Variants in ZBTB20 observed in about 807,000 individuals in gnomAD.
ZBTB20 encodes the protein zinc finger and BTB domain containing 20, also known as zinc finger and BTB domain-containing protein 20.
ZBTB20 carries 9 observed loss-of-function variants against 56.9 expected under a neutral mutation model. The observed-to-expected ratio is 0.16, with a 90% confidence interval of 0.10 to 0.28. The LOEUF is 0.28. Among genes scored for constraint, ZBTB20 ranks in the 10% least tolerant of loss-of-function variants. ZBTB20 has a pLI of 1.00. For synonymous variants in ZBTB20, 417 were observed against 420.7 expected (o/e 0.99, Z 0.11); for missense variants, 655 against 1,003.0 (o/e 0.65, Z 4.69).
chr3:114,721,684 G>A (rs1276714256), intron 5 of ZBTB20, among the ~76,000 whole-genome samples: 3 of 152,118 alleles, frequency 2.0e-5, no homozygotes, highest in Non-Finnish European at 4.4e-5. Flanking sequence ...TCCAGAGCCT[G>A]TTCTCCTAAC....
At chr3:114,757,662 A>C (rs931641690) in intron 5 of ZBTB20, among the ~76,000 whole-genome samples, 1 of 152,164 alleles carries the variant, frequency 6.6e-6, no homozygotes, top group Non-Finnish European at 1.5e-5. Context: ...AAACCTTTAA[A>C]AAATATATTT....
chr3:114,972,730 T>C (rs1208500455), intron 3 of ZBTB20, among the ~76,000 whole-genome samples: 1 of 152,160 alleles, frequency 6.6e-6, no homozygotes, highest in Non-Finnish European at 1.5e-5. Context: ...TTTCTCCCTC[T>C]CAGATAATTT....
In ZBTB20 at chr3:114,318,414, C is replaced by T. The variant is rs544497700; in HGVS notation, c.*20591G>A. ...GGCTAGGGAACGATGATAACAGTAA[C>T]AGGAGGGTCTCAGAAGCAGAGGGTG... On this transcript the variant is annotated 3_prime_UTR_variant, in exon 12 of 12. Transcript: ENST00000675478. The T allele has an allele frequency of 6.6e-6, 1 of 152,584 alleles. No individual in the cohort carries two copies. The highest frequency in any genetic ancestry group is 6.5e-5 in the Admixed American group (1 of 15,296). The allele number at this position is 152,584 out of a possible 1,614,324, so 9.5% of individuals were successfully genotyped here.
intron 6 of ZBTB20, among the ~76,000 whole-genome samples, chr3:114,639,864 C>T (rs185892806): frequency 6.6e-6 from 1 of 152,010 alleles, no homozygotes; most frequent in Non-Finnish European, 1.5e-5. Flanking sequence ...ACATGGATGG[C>T]ACATAGCAAT....
intron 6 of ZBTB20, among the ~76,000 whole-genome samples, chr3:114,644,388 A>C (rs2059726260): frequency 6.6e-6 from 1 of 152,034 alleles, no homozygotes; most frequent in African/African-American, 2.4e-5. Flanking sequence ...ATAGAGAGAG[A>C]TGTTTGGAAT....
At chr3:114,728,946 A>G (rs1052678588) in intron 5 of ZBTB20, among the ~76,000 whole-genome samples, 1 of 152,154 alleles carries the variant, frequency 6.6e-6, no homozygotes, top group African/African-American at 2.4e-5. Flanking sequence ...GAGAATCAAG[A>G]AAAATAGATA....
At chr3:114,822,383 C>A (rs2073303261) in intron 4 of ZBTB20, among the ~76,000 whole-genome samples, 2 of 88,846 alleles carry the variant, frequency 2.3e-5, no homozygotes, top group South Asian at 4.4e-4. Context: ...CAAACCATTT[C>A]AATTAGGTCA....
At chr3:114,524,346 C>G (rs900248318) in intron 6 of ZBTB20, among the ~76,000 whole-genome samples, 8 of 152,054 alleles carry the variant, frequency 5.3e-5, no homozygotes, top group Non-Finnish European at 8.8e-5. Flanking sequence ...GAATGAGTAG[C>G]TATGGCAGAG....
intron 6 of ZBTB20, among the ~76,000 whole-genome samples, chr3:114,628,242 C>T (rs2058750616): frequency 6.6e-6 from 1 of 152,042 alleles, no homozygotes; most frequent in South Asian, 2.1e-4. Context: ...TAATCTCTCT[C>T]TTTTTTTATT....
chr3:114,633,337 C>G (rs1219053944), intron 6 of ZBTB20, among the ~76,000 whole-genome samples: 1 of 152,190 alleles, frequency 6.6e-6, no homozygotes, highest in Non-Finnish European at 1.5e-5. Context: ...CAGCTAAAGA[C>G]TGAAACATTG....
chr3:114,430,229 A>T (rs1239384824), intron 7 of ZBTB20, among the ~76,000 whole-genome samples: 1 of 152,242 alleles, frequency 6.6e-6, no homozygotes, highest in East Asian at 1.9e-4. Context: ...ACTACATTTC[A>T]GTACTATGCT....
At chr3:114,496,234 C>T (rs2043268575) in intron 7 of ZBTB20, among the ~76,000 whole-genome samples, 2 of 152,130 alleles carry the variant, frequency 1.3e-5, no homozygotes, top group African/African-American at 2.4e-5. Flanking sequence ...ACATGGGGCC[C>T]GGCTGTGCAT....
intron 1 of ZBTB20, among the ~76,000 whole-genome samples, chr3:115,085,310 A>T (rs1017929598): frequency 1.3e-5 from 2 of 151,926 alleles, no homozygotes; most frequent in African/African-American, 4.8e-5. Context: ...CAGACATTTT[A>T]AGTTGTGCCA....
chr3:114,682,249 A>G (rs1284619040), intron 6 of ZBTB20, among the ~76,000 whole-genome samples: 1 of 152,198 alleles, frequency 6.6e-6, no homozygotes, highest in Admixed American at 6.5e-5. Context: ...ACAGGAAAAA[A>G]AATGATTAGA....
intron 10 of ZBTB20, among the ~76,000 whole-genome samples, chr3:114,364,563 A>G (rs908996363): frequency 6.6e-6 from 1 of 152,196 alleles, no homozygotes; most frequent in African/African-American, 2.4e-5. Context: ...TTACTAGCTG[A>G]GCTTAACAGC....
intron 10 of ZBTB20, among the ~76,000 whole-genome samples, chr3:114,365,993 C>T (rs1190766226): frequency 6.6e-6 from 1 of 152,150 alleles, no homozygotes; most frequent in Non-Finnish European, 1.5e-5. Context: ...CTTACAAATG[C>T]ACTACATCAT....
chr3:114,484,098 T>C (rs2041848887), intron 7 of ZBTB20, among the ~76,000 whole-genome samples: 1 of 152,180 alleles, frequency 6.6e-6, no homozygotes, highest in African/African-American at 2.4e-5. Context: ...AGCCTTTAAG[T>C]ACTGGAGGCC....
chr3:115,018,215 G>A (rs897995103), intron 2 of ZBTB20, among the ~76,000 whole-genome samples: 1 of 151,150 alleles, frequency 6.6e-6, no homozygotes, highest in African/African-American at 2.4e-5. Flanking sequence ...AGTGATTAGT[G>A]TGTTTAAAGA....
chr3:114,380,996 T>G lies in ZBTB20; in HGVS notation c.-153-56A>C, dbSNP rs1306848164. 7 of 366,306 alleles carry G rather than the reference T, an allele frequency of 1.9e-5. No individual in the cohort carries two copies. The East Asian group carries it at 2.9e-4, about 15-fold the overall frequency. The allele number at this position is 366,306 out of a possible 1,614,324, so 22.7% of individuals were successfully genotyped here. ...CTTAAAGGTTCCTTCCAACTTTAAA[T>G]TTCTACTCATGGACTACATTAAGGA... is the stretch of plus-strand genomic sequence containing the variant. On this transcript the variant is annotated intron_variant, in intron 8 of 11. Transcript: ENST00000675478.
Sources: gnomAD v4.1 joint callset for allele counts (sites outside exome capture counted in the v4.1 genomes callset) on GRCh38, gnomAD v4.1.1 for gene constraint, MANE v1.5 for transcripts, NCBI Gene and HGNC (gene_info 2026-07-23, HGNC 2026-07-21) for gene names.